Variants in PLAA observed in about 807,000 individuals in gnomAD.
PLAA encodes the protein phospholipase A-2-activating protein.
In PLAA, 48 loss-of-function variants were observed where a neutral mutation model predicts 84.1. That is an observed-to-expected ratio of 0.57 (90% CI 0.45 to 0.73). The LOEUF is 0.73. Ranked by LOEUF, PLAA falls within the 30% of genes least tolerant of loss-of-function variation. The pLI is 0.00. For synonymous variants in PLAA, 392 were observed against 336.6 expected, an observed-to-expected ratio of 1.16 and a Z score of -1.80; for missense variants, 903 against 954.7, an observed-to-expected ratio of 0.95 and a Z score of 0.71.
In PLAA at chr9:26,926,245, G is replaced by A. The variant is rs546233408; in HGVS notation, c.733+148C>T. ...ATACAATTTTCTTCTTTGTAAACAG[G>A]AGAAAGATACTTAATGAAATAAATT... On this transcript the variant is annotated intron_variant, in intron 5 of 13. Transcript: ENST00000397292. 101 of 612,914 alleles carry A rather than the reference G, an allele frequency of 1.6e-4. 2 individuals are homozygous for A. Among genetic ancestry groups the A allele is most frequent in the East Asian group, 1.4e-4 (5 of 35,814 alleles). 38.0% of individuals were successfully genotyped at this position (612,914 alleles called of 1,614,324 possible).
At chr9:26,939,451 C>G (rs1825457601) in intron 1 of PLAA, among the ~76,000 whole-genome samples, 2 of 100,510 alleles carry the variant, frequency 2.0e-5, no homozygotes, top group Non-Finnish European at 2.0e-5. Flanking sequence ...CAACTAAACA[C>G]AAAAGAAGAC....
chr9:26,924,450 T>C (rs1304171357), intron 6 of PLAA, among the ~76,000 whole-genome samples: 1 of 152,204 alleles, frequency 6.6e-6, no homozygotes, highest in East Asian at 1.9e-4. Context: ...TTGCTTTCAA[T>C]GCTAGAGTAG....
At chr9:26,921,499 A>C (rs776595533) in intron 7 of PLAA, among the ~76,000 whole-genome samples, 4 of 152,234 alleles carry the variant, frequency 2.6e-5, no homozygotes, top group Non-Finnish European at 5.9e-5. Context: ...AATCTGTTTC[A>C]ATTTGTTATT....
intron 1 of PLAA, among the ~76,000 whole-genome samples, chr9:26,944,958 T>C (rs1825643387): frequency 1.3e-5 from 2 of 152,100 alleles, no homozygotes; most frequent in African/African-American, 4.8e-5. Context: ...AGAAACCCCA[T>C]CTCTACTAAA....
At chr9:26,939,596 G>A (rs1025159860) in intron 1 of PLAA, among the ~76,000 whole-genome samples, 2 of 148,392 alleles carry the variant, frequency 1.3e-5, no homozygotes, top group Admixed American at 6.8e-5. Flanking sequence ...CCAATCAAAA[G>A]ACAAAGATTG....
intron 1 of PLAA, among the ~76,000 whole-genome samples, chr9:26,942,874 T>A (rs1389541878): frequency 2.8e-5 from 2 of 71,328 alleles, no homozygotes; most frequent in Non-Finnish European, 2.5e-5. Context: ...GCGAGACTCG[T>A]CTCAAAAAAA....
At chr9:26,944,110 G>A (rs977262104) in intron 1 of PLAA, among the ~76,000 whole-genome samples, 2 of 152,178 alleles carry the variant, frequency 1.3e-5, no homozygotes, top group African/African-American at 4.8e-5. Context: ...ATAGATTAAT[G>A]TCATTATTGC....
In PLAA at chr9:26,904,133, G is replaced by C. The variant is rs1463265876; in HGVS notation, c.*1378C>G. 2 of 152,512 alleles carry C rather than the reference G, an allele frequency of 1.3e-5. No individual in the cohort carries two copies. Among genetic ancestry groups the C allele is most frequent in the African/African-American group, 4.8e-5 (2 of 41,434 alleles). 9.4% of individuals were successfully genotyped at this position (152,512 alleles called of 1,614,324 possible). On this transcript the variant is annotated 3_prime_UTR_variant, in exon 14 of 14. Coordinates refer to ENST00000397292, the MANE Select transcript of PLAA (RefSeq NM_001031689.3). ...TACATATCCCCTCTATTTACATTTT[G>C]CTCATTTCCTTTTGATATTCCAAAA...
chr9:26,912,652 C>G (rs1563906808), intron 11 of PLAA, among the ~76,000 whole-genome samples: 1 of 152,120 alleles, frequency 6.6e-6, no homozygotes, highest in Non-Finnish European at 1.5e-5. Context: ...CTAACAATTA[C>G]TAAGCATTAA....
chr9:26,912,839 C>T (rs1218934476), intron 11 of PLAA, among the ~76,000 whole-genome samples: 2 of 152,116 alleles, frequency 1.3e-5, no homozygotes, highest in African/African-American at 4.8e-5. Flanking sequence ...ATTCTCACTC[C>T]AGAATCCATA....
chr9:26,920,075 AT>A (rs1824708360), intron 8 of PLAA, 151 bp downstream of exon 8: 1 of 598,788 alleles, frequency 1.7e-6, no homozygotes, highest in East Asian at 2.8e-5. Flanking sequence ...TAAAATATCT[AT>A]TTCAAGACAG....
chr9:26,923,144 GA>G, intron 7 of PLAA, 33 bp downstream of exon 7: 3 of 1,462,054 alleles, frequency 2.1e-6, no homozygotes, highest in Non-Finnish European at 2.8e-6. Flanking sequence ...CAAATATGGT[GA>G]ATTTTTTCTA....
intron 1 of PLAA, among the ~76,000 whole-genome samples, chr9:26,937,150 G>GA (rs1453638759): frequency 1.3e-5 from 2 of 149,176 alleles, no homozygotes; most frequent in African/African-American, 2.5e-5. Flanking sequence ...CTCAAAAAAA[G>GA]AAAAAAAAAG....
At chr9:26,921,846 A>G (rs1757869268) in intron 7 of PLAA, among the ~76,000 whole-genome samples, 1 of 152,240 alleles carries the variant, frequency 6.6e-6, no homozygotes, top group Non-Finnish European at 1.5e-5. Flanking sequence ...TGTTATTACC[A>G]CTAGTATCAA....
chr9:26,932,856 C>T (rs1194021503), intron 2 of PLAA, among the ~76,000 whole-genome samples: 20 of 152,128 alleles, frequency 1.3e-4, no homozygotes, highest in Admixed American at 1.2e-3. Context: ...TGTTTTTGGT[C>T]GGGCACAGTG....
At position 26,915,553 on chromosome 9, in the gene PLAA, G is replaced by A. The variant is rs1056679537; in HGVS notation, c.1486+1544C>T. ...TCATCAACAACAACTAATACATACC[G>A]TGGCTTAAATATACTCCAGGCATTT... is the stretch of plus-strand genomic sequence containing the variant. On this transcript the variant is annotated intron_variant, in intron 10 of 13. Coordinates refer to ENST00000397292, the MANE Select transcript of PLAA (RefSeq NM_001031689.3). The A allele has an allele frequency of 2.2e-4, 75 of 340,582 alleles. 2 individuals are homozygous for A. The highest frequency in any genetic ancestry group is 1.5e-3 in the African/African-American group (68 of 44,852). 21.1% of individuals were successfully genotyped at this position (340,582 alleles called of 1,614,324 possible). A position where few individuals can be genotyped will look rare whatever the true frequency, so the allele number is the denominator to read the frequency against.
chr9:26,928,203 C>A lies in PLAA; in HGVS notation c.462G>T (p.Val154=). ...GTTCAGGTAAGATCTTTACCGCCCACACTGCAGCTGTATGACCCTGTGAGT... is the reference window on the plus strand; with the variant it reads ...GTTCAGGTAAGATCTTTACCGCCCAAACTGCAGCTGTATGACCCTGTGAGT... ...MMTLQGHTAA[V]WAVKILPEQG... is the part of the protein sequence containing the mutation. The change falls in exon 4 of 14, where the codon GTG becomes GTT. Residue 154 remains valine, a synonymous_variant. Transcript: ENST00000397292. 6.2e-7 allele frequency: 1 copy of A among 1,614,194 alleles called. No individual in the cohort carries two copies. Among genetic ancestry groups the A allele is most frequent in the Non-Finnish European group, 8.5e-7 (1 of 1,180,034 alleles).
At chr9:26,942,416 G>A (rs1235578855) in intron 1 of PLAA, among the ~76,000 whole-genome samples, 1 of 152,194 alleles carries the variant, frequency 6.6e-6, no homozygotes, top group Non-Finnish European at 1.5e-5. Context: ...TGTATCTAAA[G>A]GCCTTAAGAG....
intron 7 of PLAA, among the ~76,000 whole-genome samples, chr9:26,922,721 C>A (rs1457664414): frequency 4.0e-5 from 6 of 150,928 alleles, no homozygotes. Flanking sequence ...GGCTGGAATG[C>A]AATGGTGTGG....
Sources: allele counts gnomAD v4.1 joint callset (sites outside exome capture counted in the v4.1 genomes callset), GRCh38; gene constraint gnomAD v4.1.1; transcripts MANE v1.5; gene names NCBI Gene and HGNC (gene_info 2026-07-23, HGNC 2026-07-21).